PCDH17: variants seen among roughly 807,000 people sequenced by gnomAD.
PCDH17 encodes protocadherin-17.
A neutral mutation model predicts 67.7 loss-of-function variants in PCDH17; 21 were observed. That is an observed-to-expected ratio of 0.31 (90% CI 0.22 to 0.45). The LOEUF is 0.45. Among genes scored for constraint, PCDH17 ranks in the 20% least tolerant of loss-of-function variants. The probability of loss-of-function intolerance (pLI) is 1.00; values close to 1 mark genes in which losing one functional copy is unlikely to be tolerated. For missense variants in PCDH17, 1,471 were observed against 1,564.8 expected (o/e 0.94, Z 1.01); for synonymous variants, 701 against 656.7 (o/e 1.07, Z -1.03).
intron 3 of PCDH17, among the ~76,000 whole-genome samples, chr13:57,679,746 C>T (rs1338497968): frequency 2.0e-5 from 3 of 151,262 alleles, no homozygotes; most frequent in Non-Finnish European, 4.4e-5. Context: ...GACCTTTTAC[C>T]CTTACAAGCT....
chr13:57,682,857 A>C (rs1955467092), intron 3 of PCDH17, among the ~76,000 whole-genome samples: 1 of 151,888 alleles, frequency 6.6e-6, no homozygotes, highest in African/African-American at 2.4e-5. Context: ...AACTATTAAT[A>C]ATTTTTAAGC....
chr13:57,633,985 A>G lies in PCDH17; in HGVS notation c.1439A>G (p.Gln480Arg), dbSNP rs1566213609. 1.2e-6 allele frequency: 2 copies of G among 1,613,634 alleles called. No homozygotes were observed. The highest frequency in any genetic ancestry group is 1.1e-5 in the South Asian group (1 of 91,082). ...TTCACCAAAGGGCTCTACGTGCTTC[A>G]GGTGCACGAGAACAACATCCCGGGA... is the stretch of plus-strand genomic sequence containing the variant. The part of the protein sequence containing the change: ...PRFTKGLYVL[Q>R]VHENNIPGEY... Residue 480 changes from glutamine to arginine, a missense_variant, in exon 1 of 4, where the codon CAG (glutamine) becomes CGG (arginine). By Grantham distance (43) the Gln-to-Arg change is conservative. This residue lies in a region of PCDH17 where 1,163 missense variants were observed against 1,230.0 expected (regional missense o/e 0.95). Transcript: ENST00000377918. This position sits in a 1 kb window ranked among gnomAD's most constrained non-coding sequence, Gnocchi z 6.2.
intron 3 of PCDH17, among the ~76,000 whole-genome samples, chr13:57,673,260 C>A (rs1955346178): frequency 6.6e-6 from 1 of 151,914 alleles, no homozygotes; most frequent in Admixed American, 6.6e-5. Flanking sequence ...CCCAGTAAAA[C>A]CTGTTTAATC....
chr13:57,717,819 C>G (rs535702884), intron 3 of PCDH17, among the ~76,000 whole-genome samples: 1 of 151,928 alleles, frequency 6.6e-6, no homozygotes, highest in African/African-American at 2.4e-5. Flanking sequence ...AGTGTATACT[C>G]CTCAAAATGT....
At chr13:57,635,355 A>G (rs1406229383) in intron 1 of PCDH17, among the ~76,000 whole-genome samples, 3 of 151,802 alleles carry the variant, frequency 2.0e-5, no homozygotes, top group South Asian at 4.1e-4. Flanking sequence ...ATTTATTTTT[A>G]TAGGTTTAAA....
chr13:57,664,492 A>T (rs1254590615), intron 1 of PCDH17, among the ~76,000 whole-genome samples: 1 of 151,710 alleles, frequency 6.6e-6, no homozygotes, highest in Non-Finnish European at 1.5e-5. Flanking sequence ...AGGACAAGAG[A>T]AAAAAAGTTT....
At chr13:57,638,507 C>T (rs2806704) in intron 1 of PCDH17, among the ~76,000 whole-genome samples, 126,829 of 151,982 alleles carry the variant, frequency 0.83, 53,274 homozygotes, top group African/African-American at 0.93. Flanking sequence ...GAAGGAAATA[C>T]ATTGAGCCAG....
chr13:57,665,554 C>T (rs1955241582), intron 1 of PCDH17, among the ~76,000 whole-genome samples: 1 of 151,998 alleles, frequency 6.6e-6, no homozygotes, highest in South Asian at 2.1e-4. Flanking sequence ...GAGTATAATG[C>T]CGTGATATGA....
intron 3 of PCDH17, among the ~76,000 whole-genome samples, chr13:57,672,568 G>A (rs1001507499): frequency 6.6e-6 from 1 of 151,952 alleles, no homozygotes; most frequent in Non-Finnish European, 1.5e-5. Flanking sequence ...AGAAGTTGAG[G>A]CTCGTGCCCA....
chr13:57,654,926 T>C (rs1017280627), intron 1 of PCDH17, among the ~76,000 whole-genome samples: 5 of 151,996 alleles, frequency 3.3e-5, no homozygotes, highest in Non-Finnish European at 1.5e-5. Flanking sequence ...TCAGAGGTTG[T>C]CTTTCATTAT....
At chr13:57,697,464 G>A (rs1015343337) in intron 3 of PCDH17, among the ~76,000 whole-genome samples, 2 of 151,498 alleles carry the variant, frequency 1.3e-5, no homozygotes, top group African/African-American at 4.8e-5. Flanking sequence ...TGCCAAATAA[G>A]CAAAATAGGC....
chr13:57,714,071 A>C (rs543241436), intron 3 of PCDH17, among the ~76,000 whole-genome samples: 1 of 151,762 alleles, frequency 6.6e-6, no homozygotes, highest in Non-Finnish European at 1.5e-5. Flanking sequence ...AAAATATTAA[A>C]ATATTAAAAA....
In PCDH17 at chr13:57,725,342, A is replaced by G. The variant is rs765379676; in HGVS notation, c.*48A>G. The G allele has an allele frequency of 2.1e-5, 31 of 1,510,504 alleles. No homozygotes were observed. In the Admixed American group the frequency reaches 6.1e-4, roughly 30 times the overall value. 93.6% of individuals were successfully genotyped at this position (1,510,504 alleles called of 1,614,324 possible). A position where few individuals can be genotyped will look rare whatever the true frequency, so the allele number is the denominator to read the frequency against. ...TGGCATTTTCTTGTCTCTTCTGTTG[A>G]TTTAAAAATGATCCCTCCTGGTGAT... On this transcript the variant is annotated 3_prime_UTR_variant, in exon 4 of 4. Transcript: ENST00000377918.
intron 3 of PCDH17, among the ~76,000 whole-genome samples, chr13:57,705,635 A>AGAT (rs1349200372): frequency 6.6e-6 from 1 of 152,164 alleles, no homozygotes; most frequent in Non-Finnish European, 1.5e-5. Flanking sequence ...TTATCCCTGG[A>AGAT]GATGATACCA....
chr13:57,723,407 T>C (rs1231615597), intron 3 of PCDH17, among the ~76,000 whole-genome samples: 2 of 152,192 alleles, frequency 1.3e-5, no homozygotes, highest in Non-Finnish European at 1.5e-5. Flanking sequence ...AGAAGTGATA[T>C]ACAAATTTAT....
intron 3 of PCDH17, among the ~76,000 whole-genome samples, chr13:57,701,232 A>G (rs1218989170): frequency 2.6e-5 from 4 of 152,164 alleles, no homozygotes; most frequent in African/African-American, 9.7e-5. Context: ...CAGTTTATCA[A>G]ACTACATTGT....
intron 3 of PCDH17, among the ~76,000 whole-genome samples, chr13:57,711,729 AT>A (rs1955778455): frequency 6.6e-6 from 1 of 151,560 alleles, no homozygotes; most frequent in South Asian, 2.1e-4. Flanking sequence ...TTATTATAAA[AT>A]TACTATAACA....
In PCDH17 at chr13:57,633,375, G is replaced by A; in HGVS notation, c.829G>A (p.Glu277Lys). The A allele has an allele frequency of 6.2e-7, 1 of 1,613,308 alleles. No homozygotes were observed. The highest frequency in any genetic ancestry group is 8.5e-7 in the Non-Finnish European group (1 of 1,180,026). The change falls in exon 1 of 4, where the codon GAA (glutamate) becomes AAA (lysine). Residue 277 changes from glutamate to lysine, a missense_variant. Physicochemically the swap from Glu to Lys is moderately conservative, Grantham distance 56. This residue lies in a region of PCDH17 where 1,163 missense variants were observed against 1,230.0 expected (regional missense o/e 0.95). Coordinates refer to ENST00000377918, the MANE Select transcript of PCDH17 (RefSeq NM_001040429.3). This position sits in a 1 kb window ranked among gnomAD's most constrained non-coding sequence, Gnocchi z 6.2. The part of the protein sequence containing the change: ...ATDADEGPNG[E>K]VLYSFSSYVP... ...CGACGCCGATGAAGGTCCCAATGGTGAAGTGCTCTACTCTTTCAGCAGCTA... is the reference window on the plus strand; with the variant it reads ...CGACGCCGATGAAGGTCCCAATGGTAAAGTGCTCTACTCTTTCAGCAGCTA...
intron 3 of PCDH17, among the ~76,000 whole-genome samples, chr13:57,688,228 GT>G (rs1955525598): frequency 1.3e-5 from 2 of 151,768 alleles, no homozygotes; most frequent in Admixed American, 1.3e-4. Context: ...GACTGTTTGG[GT>G]TGAGCTCAGG....
Sources: allele counts gnomAD v4.1 joint callset (sites outside exome capture counted in the v4.1 genomes callset), GRCh38; gene constraint gnomAD v4.1.1; regional missense constraint gnomAD v4.1.1; non-coding constraint Gnocchi (gnomAD v3.1); transcripts MANE v1.5; gene names NCBI Gene and HGNC (gene_info 2026-07-23, HGNC 2026-07-21).